The following LTBP1 variants were observed in gnomAD, a reference collection of about 807,000 sequenced individuals.
LTBP1 encodes the protein latent-transforming growth factor beta-binding protein 1.
LTBP1 carries 129 observed loss-of-function variants against 207.6 expected under a neutral mutation model. The observed-to-expected ratio is 0.62, with a 90% CI of 0.54 to 0.72. The LOEUF (loss-of-function observed/expected upper bound fraction) is 0.72, where lower values mean the gene tolerates loss of function less well. LTBP1 is among the 30% of genes least tolerant of loss of function. LTBP1 has a pLI of 0.00. For missense variants in LTBP1, 2,281 were observed against 2,217.2 expected, an observed-to-expected ratio of 1.03 and a Z score of -0.58; for synonymous variants, 963 against 833.7, an observed-to-expected ratio of 1.16 and a Z score of -2.67.
chr2:33,152,730 T>A (rs2083641469), intron 5 of LTBP1, among the ~76,000 whole-genome samples: 1 of 152,224 alleles, frequency 6.6e-6, no homozygotes, highest in African/African-American at 2.4e-5. Flanking sequence ...TATTAGCCAT[T>A]TGTATATCTT....
intron 5 of LTBP1, among the ~76,000 whole-genome samples, chr2:33,186,613 T>C (rs1364337047): frequency 6.6e-6 from 1 of 151,676 alleles, no homozygotes; most frequent in Non-Finnish European, 1.5e-5. Flanking sequence ...TTCTTTCCAT[T>C]GTTGGAGGGA....
chr2:33,381,659 A>T (rs991799866), intron 31 of LTBP1, among the ~76,000 whole-genome samples: 2 of 152,242 alleles, frequency 1.3e-5, no homozygotes, highest in Non-Finnish European at 2.9e-5. Context: ...AGCTGAGCTC[A>T]TCAGCATTCA....
intron 5 of LTBP1, among the ~76,000 whole-genome samples, chr2:33,167,025 C>T (rs879292911): frequency 1.3e-5 from 2 of 152,060 alleles, no homozygotes; most frequent in Non-Finnish European, 1.5e-5. Context: ...ATAGCTACTC[C>T]GGGGTTGACC....
chr2:33,074,208 C>G (rs1043704479), intron 3 of LTBP1, among the ~76,000 whole-genome samples: 6 of 152,224 alleles, frequency 3.9e-5, no homozygotes, highest in African/African-American at 1.4e-4. Flanking sequence ...TAAGCTGGCA[C>G]TTCATTAACA....
intron 5 of LTBP1, among the ~76,000 whole-genome samples, chr2:33,166,450 T>C (rs2084927166): frequency 6.6e-6 from 1 of 152,200 alleles, no homozygotes; most frequent in African/African-American, 2.4e-5. Flanking sequence ...GTGATGGTAG[T>C]TTTAATTTAC....
chr2:33,282,085 ATAT>A lies in LTBP1; in HGVS notation c.3112+1928_3112+1930del, dbSNP rs1253463610. Among the ~76,000 whole-genome samples, 114 of 149,648 alleles carry A rather than the reference ATAT, an allele frequency of 7.6e-4. 2 individuals are homozygous for A. The highest frequency in any genetic ancestry group is 2.5e-3 in the African/African-American group (102 of 41,162). On this transcript the variant is annotated intron_variant, in intron 19 of 33. Transcript: ENST00000404816. ...TGCATATATATATATATATATATAT[ATAT>A]AAACTTTAGTGATAGAAGCACAGCA...
chr2:33,242,008 A>T (rs553698164), intron 9 of LTBP1, among the ~76,000 whole-genome samples: 13 of 152,340 alleles, frequency 8.5e-5, no homozygotes, highest in African/African-American at 3.1e-4. Context: ...GCTACGTGCA[A>T]GTTGGAACAC....
At chr2:33,249,323 TCA>T (rs61249844) in intron 10 of LTBP1, among the ~76,000 whole-genome samples, 18,420 of 141,190 alleles carry the variant, frequency 0.13, 1,245 homozygotes, top group East Asian at 0.2. Flanking sequence ...GTCTGATTTT[TCA>T]CACACACACA....
chr2:33,204,670 C>G (rs2089687818), intron 7 of LTBP1, among the ~76,000 whole-genome samples: 1 of 152,052 alleles, frequency 6.6e-6, no homozygotes, highest in Non-Finnish European at 1.5e-5. Context: ...AGCTCAAACT[C>G]TCGGGCTCAA....
intron 3 of LTBP1, among the ~76,000 whole-genome samples, chr2:33,077,523 A>G (rs1310440236): frequency 1.3e-5 from 2 of 152,236 alleles, no homozygotes; most frequent in South Asian, 2.1e-4. Context: ...AGGAAGAGAG[A>G]GGGGGGTGAG....
chr2:33,122,802 A>G (rs560066034), intron 4 of LTBP1, among the ~76,000 whole-genome samples: 5 of 151,516 alleles, frequency 3.3e-5, no homozygotes, highest in Admixed American at 6.6e-5. Context: ...GGTTTGGCTT[A>G]TATGGCCAGC....
chr2:32,947,439 G>A lies in LTBP1; in HGVS notation c.115G>A (p.Ala39Thr). The change falls in exon 1 of 34, where the codon GCA (alanine) becomes ACA (threonine). Residue 39 changes from alanine (A) to threonine (T), a missense_variant. Physicochemically the swap from Ala to Thr is moderately conservative, Grantham distance 58. Transcript: ENST00000404816. The part of the protein sequence containing the change: ...TYVVHPGPGL[A>T]AGALPLSGPP... ...CGTGGTGCACCCGGGCCCCGGCCTG[G>A]CAGCCGGCGCCTTGCCCCTGAGCGG... 6.9e-7 allele frequency: 1 copy of A among 1,442,282 alleles called. No individual in the cohort carries two copies. Among genetic ancestry groups the A allele is most frequent in the South Asian group, 1.3e-5 (1 of 74,920 alleles). 89.3% of individuals were successfully genotyped at this position (1,442,282 alleles called of 1,614,324 possible).
At chr2:33,129,138 T>C (rs974861786) in intron 4 of LTBP1, among the ~76,000 whole-genome samples, 104 of 152,318 alleles carry the variant, frequency 6.8e-4, no homozygotes, top group African/African-American at 2.4e-3. Flanking sequence ...AAAGTACAGT[T>C]GGTAATAAAA....
intron 26 of LTBP1, among the ~76,000 whole-genome samples, chr2:33,359,538 T>C (rs1486454288): frequency 6.6e-6 from 1 of 152,218 alleles, no homozygotes; most frequent in Non-Finnish European, 1.5e-5. Context: ...AGTAAATGTC[T>C]TCCTTTTGAC....
At chr2:33,330,486 T>G (rs1435394705) in intron 24 of LTBP1, among the ~76,000 whole-genome samples, 1 of 151,830 alleles carries the variant, frequency 6.6e-6, no homozygotes, top group Non-Finnish European at 1.5e-5. Context: ...CATAGGTTTT[T>G]TTTTTCTTAA....
Position 33,024,900 on chromosome 2 carries a change from G to A in LTBP1, c.863+3694G>A, listed in dbSNP as rs72869632. Among the ~76,000 whole-genome samples, 1,316 of 152,340 alleles carry A rather than the reference G, an allele frequency of 8.6e-3. 23 individuals are homozygous for A. The highest frequency in any genetic ancestry group is 0.03 in the African/African-American group (1,247 of 41,564). ...GGGGCTGCAGCCAAGCAGTCAGCAG[G>A]GGTGGCAGTCATCTGAAGGCTCGAC... On this transcript the variant is annotated intron_variant, in intron 3 of 33. Transcript: ENST00000404816.
intron 4 of LTBP1, among the ~76,000 whole-genome samples, chr2:33,118,204 C>CAAAAAAAAAAAAAAAAAA (rs548143669): frequency 7.6e-6 from 1 of 130,922 alleles, no homozygotes. Flanking sequence ...AAAAAAAAAA[C>CAAAAAAAAAAAAAAAAAA]AAAAAAAAAA....
chr2:33,009,378 G>A (rs899978340), intron 2 of LTBP1, among the ~76,000 whole-genome samples: 2 of 152,154 alleles, frequency 1.3e-5, no homozygotes, highest in East Asian at 3.8e-4. Context: ...CAGAATGTGA[G>A]CTTCTTTGGA....
At position 32,947,129 on chromosome 2, in the gene LTBP1, G is replaced by C. The variant is rs1287594833; in HGVS notation, c.-196G>C. The C allele has an allele frequency of 2.8e-6, 1 of 358,724 alleles. No homozygotes were observed. The highest frequency in any genetic ancestry group is 4.9e-6 in the Non-Finnish European group (1 of 204,266). 22.2% of individuals were successfully genotyped at this position (358,724 alleles called of 1,614,324 possible). A position where few individuals can be genotyped will look rare whatever the true frequency, so the allele number is the denominator to read the frequency against. On this transcript the variant is annotated 5_prime_UTR_variant, in exon 1 of 34. Coordinates refer to ENST00000404816, the MANE Select transcript of LTBP1 (RefSeq NM_206943.4). ...CCCCCACGCCCTCCTCCTGCTCCCA[G>C]CCACAATCGGCCGGGGTCTGGGGCC...
Sources: gnomAD v4.1 joint callset for allele counts (sites outside exome capture counted in the v4.1 genomes callset) on GRCh38, gnomAD v4.1.1 for gene constraint, MANE v1.5 for transcripts, NCBI Gene and HGNC (gene_info 2026-07-23, HGNC 2026-07-21) for gene names.